TSPAN3: variants seen among roughly 807,000 people sequenced by gnomAD.
TSPAN3 encodes tetraspanin 3.
TSPAN3 carries 9 observed loss-of-function variants against 31.1 expected under a neutral mutation model. The ratio of observed to expected loss-of-function variants is 0.29; its 90% CI spans 0.17 to 0.50. TSPAN3 has a LOEUF of 0.50. Among genes scored for constraint, TSPAN3 ranks in the 20% least tolerant of loss-of-function variants. The pLI is 0.98. For missense variants in TSPAN3, 252 were observed against 313.5 expected, an observed-to-expected ratio of 0.80 and a Z score of 1.48; for synonymous variants, 129 against 114.3, an observed-to-expected ratio of 1.13 and a Z score of -0.82.
chr15:77,050,004 T>C (rs1025741396), intron 6 of TSPAN3, among the ~76,000 whole-genome samples: 15 of 152,224 alleles, frequency 9.9e-5, no homozygotes, highest in African/African-American at 3.6e-4. Context: ...CATGCCACAC[T>C]ATCCTTGCTC....
At chr15:77,062,390 A>C (rs2076806010) in intron 1 of TSPAN3, among the ~76,000 whole-genome samples, 1 of 152,208 alleles carries the variant, frequency 6.6e-6, no homozygotes, top group African/African-American at 2.4e-5. Context: ...CACTACCTGA[A>C]TATATCATTT....
At position 77,042,868 on chromosome 15, in the gene TSPAN3, G is replaced by A. The variant is rs1188869830; in HGVS notation, c.*3967C>T. On this transcript the variant is annotated 3_prime_UTR_variant, in exon 7 of 7. Coordinates refer to ENST00000267970, the MANE Select transcript of TSPAN3 (RefSeq NM_005724.6). ...AAACAGTAACCATGCTATGGAGAAA[G>A]TGGACACACCTCGACTAGGTGTGCC... The A allele has an allele frequency of 6.6e-6, 1 of 152,132 alleles. No individual in the cohort carries two copies. The highest frequency in any genetic ancestry group is 1.9e-4 in the East Asian group (1 of 5,194). The allele number at this position is 152,132 out of a possible 1,614,324, so 9.4% of individuals were successfully genotyped here. A position where few individuals can be genotyped will look rare whatever the true frequency, so the allele number is the denominator to read the frequency against.
chr15:77,052,149 G>A (rs1001791772), intron 6 of TSPAN3, among the ~76,000 whole-genome samples: 1 of 152,188 alleles, frequency 6.6e-6, no homozygotes, highest in African/African-American at 2.4e-5. Context: ...AGTAAGACGA[G>A]GAGTTCCCTC....
intron 1 of TSPAN3, among the ~76,000 whole-genome samples, chr15:77,059,208 G>A (rs895714452): frequency 1.3e-5 from 2 of 151,740 alleles, no homozygotes; most frequent in Non-Finnish European, 2.9e-5. Context: ...TCAGCCTCCC[G>A]AGTAGCTGGG....
chr15:77,055,179 T>G (rs2076760656), intron 3 of TSPAN3: 1 of 152,216 alleles, frequency 6.6e-6, no homozygotes, highest in Non-Finnish European at 1.5e-5. Flanking sequence ...ATACCCATAT[T>G]AATTAATTTA....
chr15:77,042,170 TTC>T lies in TSPAN3; in HGVS notation c.*4663_*4664del, dbSNP rs1226471632. ...AACCAAAACCCAATACCAAGTCTGT[TTC>T]TGTGTATGTAGTCTGCAAAGACACA... is the stretch of plus-strand genomic sequence containing the variant. On this transcript the variant is annotated 3_prime_UTR_variant, in exon 7 of 7. Coordinates refer to ENST00000267970, the MANE Select transcript of TSPAN3 (RefSeq NM_005724.6). 2 of 152,252 alleles carry T rather than the reference TTC, an allele frequency of 1.3e-5. No homozygotes were observed. The highest frequency in any genetic ancestry group is 4.8e-5 in the African/African-American group (2 of 41,466). The allele number at this position is 152,252 out of a possible 1,614,324, so 9.4% of individuals were successfully genotyped here.
chr15:77,049,309 C>T (rs1483678413), intron 6 of TSPAN3, among the ~76,000 whole-genome samples: 1 of 152,084 alleles, frequency 6.6e-6, no homozygotes, highest in African/African-American at 2.4e-5. Flanking sequence ...AGAAAAAAAG[C>T]AACATGGCCT....
intron 1 of TSPAN3, among the ~76,000 whole-genome samples, chr15:77,068,758 C>A (rs967601841): frequency 1.3e-5 from 2 of 152,170 alleles, no homozygotes; most frequent in Admixed American, 1.3e-4. Context: ...GTTCCTGCAT[C>A]AGTTTGTTGA....
At chr15:77,053,704 T>C (rs1473162550) in intron 4 of TSPAN3, among the ~76,000 whole-genome samples, 3 of 152,150 alleles carry the variant, frequency 2.0e-5, no homozygotes, top group Non-Finnish European at 4.4e-5. Flanking sequence ...TTGATATTAC[T>C]GAGGCAAGGT....
chr15:77,068,236 A>G (rs1167454059), intron 1 of TSPAN3: 2 of 152,150 alleles, frequency 1.3e-5, no homozygotes, highest in African/African-American at 4.8e-5. Flanking sequence ...CTTCCTTATC[A>G]CAGCTCACAA....
At position 77,056,219 on chromosome 15, in the gene TSPAN3, C is replaced by T; in HGVS notation, c.100G>A (p.Val34Ile). The T allele has an allele frequency of 3.7e-6, 6 of 1,611,902 alleles. No homozygotes were observed. Among genetic ancestry groups the T allele is most frequent in the Non-Finnish European group, 5.1e-6 (6 of 1,179,264 alleles). The change falls in exon 2 of 7, where the codon GTC becomes ATC. Residue 34 changes from valine to isoleucine, a missense_variant. Physicochemically the swap from Val to Ile is conservative, Grantham distance 29. Transcript: ENST00000267970. ...TCATAGTCATCATAAGTGATGAAGACATAGGCTCCCACATAGCATAAAATG... is the reference window on the plus strand; with the variant it reads ...TCATAGTCATCATAAGTGATGAAGATATAGGCTCCCACATAGCATAAAATG... Reference protein sequence around the residue: ...AGILCYVGAYVFITYDDYDHF... With the variant: ...AGILCYVGAYIFITYDDYDHF...
intron 3 of TSPAN3, 90 bp downstream of exon 3, chr15:77,055,699 T>C: frequency 9.7e-7 from 1 of 1,029,774 alleles, no homozygotes; most frequent in African/African-American, 1.6e-5. Context: ...AAAGAAAATG[T>C]TTACTCTGAT....
At chr15:77,067,516 T>A (rs1469771708) in intron 1 of TSPAN3, 1 of 152,202 alleles carries the variant, frequency 6.6e-6, no homozygotes, top group Non-Finnish European at 1.5e-5. Context: ...CATCTGACAG[T>A]GAAGAGCCAA....
Position 77,053,066 on chromosome 15 carries a change from T to C in TSPAN3, c.433-137A>G, listed in dbSNP as rs924901023. ...TTTCTATAATGGAAAGTCTGCATGA[T>C]CCAATATAGCAGCCACTAGCCACAT... On this transcript the variant is annotated intron_variant, in intron 4 of 6. Transcript: ENST00000267970. 4.7e-6 allele frequency: 4 copies of C among 853,184 alleles called. No homozygotes were observed. In the Admixed American group the frequency reaches 8.4e-5, roughly 18 times the overall value. 52.9% of individuals were successfully genotyped at this position (853,184 alleles called of 1,614,324 possible). A position where few individuals can be genotyped will look rare whatever the true frequency, so the allele number is the denominator to read the frequency against.
chr15:77,052,555 G>A (rs1367845314), intron 5 of TSPAN3, 87 bp from the exon 6 acceptor site: 1 of 1,309,380 alleles, frequency 7.6e-7, no homozygotes, highest in African/African-American at 1.5e-5. Flanking sequence ...TTACAGAAAG[G>A]AAAATGACAG....
intron 6 of TSPAN3, among the ~76,000 whole-genome samples, chr15:77,050,132 T>A (rs1033309287): frequency 1.3e-5 from 2 of 152,234 alleles, no homozygotes; most frequent in East Asian, 1.9e-4. Flanking sequence ...CACTGATCTT[T>A]CAGTTATTTC....
At position 77,042,860 on chromosome 15, in the gene TSPAN3, T is replaced by C. The variant is rs1398448361; in HGVS notation, c.*3975A>G. 1 of 152,134 alleles carries C rather than the reference T, an allele frequency of 6.6e-6. No homozygotes were observed. Among genetic ancestry groups the C allele is most frequent in the Non-Finnish European group, 1.5e-5 (1 of 68,024 alleles). The allele number at this position is 152,134 out of a possible 1,614,324, so 9.4% of individuals were successfully genotyped here. A position where few individuals can be genotyped will look rare whatever the true frequency, so the allele number is the denominator to read the frequency against. ...AAAGAAAAAAACAGTAACCATGCTATGGAGAAAGTGGACACACCTCGACTA... is the reference window on the plus strand; with the variant it reads ...AAAGAAAAAAACAGTAACCATGCTACGGAGAAAGTGGACACACCTCGACTA... On this transcript the variant is annotated 3_prime_UTR_variant, in exon 7 of 7. Transcript: ENST00000267970.
intron 5 of TSPAN3, 125 bp from the exon 6 acceptor site, chr15:77,052,593 AT>A: frequency 8.8e-7 from 1 of 1,136,166 alleles, no homozygotes; most frequent in South Asian, 1.4e-5. Flanking sequence ...AAAAGATTCC[AT>A]GATTGGTATA....
intron 1 of TSPAN3, among the ~76,000 whole-genome samples, chr15:77,060,701 G>A (rs1315712569): frequency 6.6e-6 from 1 of 152,130 alleles, no homozygotes; most frequent in African/African-American, 2.4e-5. Context: ...CTGCAAAGGA[G>A]GGGGCTGGGG....
Sources: allele counts gnomAD v4.1 joint callset (sites outside exome capture counted in the v4.1 genomes callset), GRCh38; gene constraint gnomAD v4.1.1; transcripts MANE v1.5; gene names NCBI Gene and HGNC (gene_info 2026-07-23, HGNC 2026-07-21).